The following SETD5 variants were observed in gnomAD, a reference collection of about 807,000 sequenced individuals.
SETD5 encodes histone-lysine N-methyltransferase SETD5.
SETD5 carries 44 observed loss-of-function variants against 153.3 expected under a neutral mutation model. The ratio of observed to expected loss-of-function variants is 0.29; its 90% CI spans 0.23 to 0.37. The LOEUF (loss-of-function observed/expected upper bound fraction) is 0.37. Ranked by LOEUF, SETD5 falls within the 10% of genes least tolerant of loss-of-function variation. The pLI, the probability that SETD5 is intolerant of heterozygous loss-of-function variation, is 1.00. For synonymous variants in SETD5, 716 were observed against 645.2 expected, an observed-to-expected ratio of 1.11 and a Z score of -1.66; for missense variants, 1,544 against 1,768.0, an observed-to-expected ratio of 0.87 and a Z score of 2.27.
intron 1 of SETD5, among the ~76,000 whole-genome samples, chr3:9,407,510 A>G (rs1242428091): frequency 1.3e-5 from 2 of 152,194 alleles, no homozygotes; most frequent in Non-Finnish European, 2.9e-5. Flanking sequence ...AGTTTGCAGT[A>G]GTACACCGAG....
chr3:9,454,017 A>C (rs1248774165), intron 17 of SETD5, 149 bp downstream of exon 17: 25 of 912,238 alleles, frequency 2.7e-5, no homozygotes, highest in Non-Finnish European at 3.4e-5. Flanking sequence ...GAAGAGAGAG[A>C]TCTCAAGTCA....
intron 2 of SETD5, among the ~76,000 whole-genome samples, chr3:9,426,633 T>C (rs1042015656): frequency 6.6e-6 from 1 of 152,148 alleles, no homozygotes; most frequent in Admixed American, 6.5e-5. Context: ...CCTCAAGTGA[T>C]CCACCCACCT....
Position 9,397,651 on chromosome 3 carries a change from TGCCGCCGCCGCCGCCGCC to T in SETD5, c.-485_-468del, listed in dbSNP as rs368632604. On this transcript the variant is annotated 5_prime_UTR_variant, in exon 1 of 23. Coordinates refer to ENST00000402198, the MANE Select transcript of SETD5 (RefSeq NM_001080517.3). ...CGCTCGGGCAGCGGGCTGAGTGAGCTGCCGCCGCCGCCGCCGCCGCCGCCGCCGCCGCCGCTGCCGGGG... is the reference window on the plus strand; with the variant it reads ...CGCTCGGGCAGCGGGCTGAGTGAGCTGCCGCCGCCGCCGCCGCTGCCGGGG... The T allele has an allele frequency of 3.0e-4, 52 of 172,380 alleles. No individual in the cohort carries two copies. Among genetic ancestry groups the T allele is most frequent in the Admixed American group, 1.4e-3 (21 of 15,150 alleles). 10.7% of individuals were successfully genotyped at this position (172,380 alleles called of 1,614,324 possible). A position where few individuals can be genotyped will look rare whatever the true frequency, so the allele number is the denominator to read the frequency against.
At chr3:9,471,462 G>A (rs2045292306) in intron 19 of SETD5, among the ~76,000 whole-genome samples, 1 of 152,206 alleles carries the variant, frequency 6.6e-6, no homozygotes, top group Non-Finnish European at 1.5e-5. Context: ...AATTGAGGGT[G>A]AGGTATGTTA....
chr3:9,427,464 C>T (rs940126528), intron 2 of SETD5, among the ~76,000 whole-genome samples: 1 of 152,196 alleles, frequency 6.6e-6, no homozygotes, highest in Non-Finnish European at 1.5e-5. Context: ...GCAGGAGAAT[C>T]TCTTGAAGCC....
chr3:9,469,642 G>T (rs1381212531), intron 18 of SETD5, among the ~76,000 whole-genome samples: 1 of 152,210 alleles, frequency 6.6e-6, no homozygotes, highest in East Asian at 1.9e-4. Context: ...TTTGAAGACT[G>T]ATATGGTATG....
At chr3:9,400,859 T>C (rs2034656613) in intron 1 of SETD5, among the ~76,000 whole-genome samples, 1 of 152,166 alleles carries the variant, frequency 6.6e-6, no homozygotes, top group African/African-American at 2.4e-5. Context: ...ATTAGGATGA[T>C]CTCTGATTAA....
chr3:9,454,640 A>C (rs958641638), intron 17 of SETD5, among the ~76,000 whole-genome samples: 1 of 151,288 alleles, frequency 6.6e-6, no homozygotes, highest in Admixed American at 6.6e-5. Context: ...AAAAAAAAAA[A>C]AAAAAAAAAA....
intron 1 of SETD5, among the ~76,000 whole-genome samples, chr3:9,402,788 A>C (rs2035013931): frequency 6.6e-6 from 1 of 152,210 alleles, no homozygotes; most frequent in Admixed American, 6.5e-5. Context: ...CTGGGGAATC[A>C]AGTTTTTGAT....
intron 3 of SETD5, chr3:9,431,585 T>G (rs987159911): frequency 3.0e-6 from 3 of 985,700 alleles, no homozygotes; most frequent in Non-Finnish European, 3.6e-6. Context: ...TCAGAAGATA[T>G]GAGTTTAAAT....
At chr3:9,464,283 T>C (rs1166506512) in intron 17 of SETD5, 142 bp from the exon 18 acceptor site, 4 of 1,070,110 alleles carry the variant, frequency 3.7e-6, no homozygotes, top group East Asian at 4.8e-5. Flanking sequence ...TTTGGGATTT[T>C]GGTTGGATTG....
chr3:9,455,162 T>C (rs2043078694), intron 17 of SETD5, among the ~76,000 whole-genome samples: 1 of 141,604 alleles, frequency 7.1e-6, no homozygotes, highest in Non-Finnish European at 1.5e-5. Context: ...CTTTTTTTCT[T>C]TTTTTCTTTT....
intron 17 of SETD5, among the ~76,000 whole-genome samples, chr3:9,461,687 A>T (rs1236582861): frequency 6.6e-6 from 1 of 152,188 alleles, no homozygotes; most frequent in Non-Finnish European, 1.5e-5. Flanking sequence ...TACTCAGTAA[A>T]TATATGTTGA....
At chr3:9,419,084 C>T (rs1344917203) in intron 1 of SETD5, among the ~76,000 whole-genome samples, 1 of 152,116 alleles carries the variant, frequency 6.6e-6, no homozygotes, top group Non-Finnish European at 1.5e-5. Context: ...GCCTTGGCCT[C>T]CCAAAGTGCT....
Position 9,464,632 on chromosome 3 carries a change from TTAC to T in SETD5, c.2689_2691del (p.Thr897del), listed in dbSNP as rs933322341. 1 of 1,613,896 alleles carries T rather than the reference TTAC, an allele frequency of 6.2e-7. No homozygotes were observed. The highest frequency in any genetic ancestry group is 8.5e-7 in the Non-Finnish European group (1 of 1,179,884). On this transcript the variant is annotated inframe_deletion, in exon 18 of 23. Coordinates refer to ENST00000402198, the MANE Select transcript of SETD5 (RefSeq NM_001080517.3). ...CTCATGTTTTCACCAGTCACATCTC[TTAC>T]TACTGCTAGTCGCTGCAACACTCCT...
At chr3:9,412,781 A>G (rs2036800062) in intron 1 of SETD5, among the ~76,000 whole-genome samples, 1 of 151,712 alleles carries the variant, frequency 6.6e-6, no homozygotes, top group African/African-American at 2.4e-5. Flanking sequence ...ATGAAATGAA[A>G]TGTTATCTGG....
intron 1 of SETD5, among the ~76,000 whole-genome samples, chr3:9,416,294 G>T (rs2037447747): frequency 6.6e-6 from 1 of 152,132 alleles, no homozygotes; most frequent in Admixed American, 6.5e-5. Context: ...GATATAATCA[G>T]TCCTTATCTT....
At chr3:9,420,333 T>C (rs2038181476) in intron 1 of SETD5, among the ~76,000 whole-genome samples, 1 of 152,166 alleles carries the variant, frequency 6.6e-6, no homozygotes, top group South Asian at 2.1e-4. Flanking sequence ...TATGACTTGG[T>C]CTCTATAATA....
chr3:9,419,203 CA>C (rs1403743341), intron 1 of SETD5, among the ~76,000 whole-genome samples: 3 of 152,212 alleles, frequency 2.0e-5, no homozygotes, highest in African/African-American at 7.2e-5. Context: ...GAACAGTTTG[CA>C]AGTTGCCTAC....
Sources: gnomAD v4.1 joint callset for allele counts (sites outside exome capture counted in the v4.1 genomes callset) on GRCh38, gnomAD v4.1.1 for gene constraint, MANE v1.5 for transcripts, NCBI Gene and HGNC (gene_info 2026-07-23, HGNC 2026-07-21) for gene names.